PCDH9: variants seen among roughly 807,000 people sequenced by gnomAD.
PCDH9 encodes the protein protocadherin 9, also known as protocadherin-9.
A neutral mutation model predicts 70.6 loss-of-function variants in PCDH9; 24 were observed. The ratio of observed to expected loss-of-function variants is 0.34; its 90% CI spans 0.25 to 0.48. PCDH9 has a LOEUF of 0.48. Ranked by LOEUF, PCDH9 falls within the 20% of genes least tolerant of loss-of-function variation. The pLI is 0.99. For missense variants in PCDH9, 1,281 were observed against 1,503.6 expected (o/e 0.85, Z 2.45); for synonymous variants, 562 against 558.5 (o/e 1.01, Z -0.09).
intron 2 of PCDH9, among the ~76,000 whole-genome samples, chr13:67,191,996 C>A (rs1294785840): frequency 2.8e-5 from 2 of 71,716 alleles, no homozygotes; most frequent in Non-Finnish European, 6.7e-5. Context: ...CACAATGATA[C>A]CTATTTCAGA....
intron 2 of PCDH9, among the ~76,000 whole-genome samples, chr13:67,096,202 G>T (rs1174188552): frequency 6.6e-6 from 1 of 152,152 alleles, no homozygotes; most frequent in Non-Finnish European, 1.5e-5. Context: ...TCGTGTGTAT[G>T]TGTTGGGGGT....
At chr13:67,034,907 GAATGAT>G (rs1052740691) in intron 2 of PCDH9, among the ~76,000 whole-genome samples, 2 of 151,226 alleles carry the variant, frequency 1.3e-5, no homozygotes, top group African/African-American at 4.9e-5. Context: ...GACAAGCCAA[GAATGAT>G]ACATCATGCC....
chr13:66,799,429 C>T (rs1172735445), intron 3 of PCDH9, among the ~76,000 whole-genome samples: 1 of 152,078 alleles, frequency 6.6e-6, no homozygotes, highest in African/African-American at 2.4e-5. Context: ...GAGAGACTGT[C>T]ACCAATAATC....
intron 3 of PCDH9, among the ~76,000 whole-genome samples, chr13:66,875,598 G>A (rs1818683574): frequency 6.6e-6 from 1 of 152,100 alleles, no homozygotes; most frequent in African/African-American, 2.4e-5. Context: ...GAAAAGAACT[G>A]CACTATGTAT....
intron 2 of PCDH9, among the ~76,000 whole-genome samples, chr13:67,142,466 G>C (rs1424815412): frequency 6.6e-6 from 1 of 152,102 alleles, no homozygotes; most frequent in African/African-American, 2.4e-5. Flanking sequence ...GTTCATACCT[G>C]ATGTTTGAAT....
Position 66,410,585 on chromosome 13 carries a change from C to A in PCDH9, c.3341-105557G>T, listed in dbSNP as rs567850076. Among the ~76,000 whole-genome samples, 9 of 152,292 alleles carry A rather than the reference C, an allele frequency of 5.9e-5. No individual in the cohort carries two copies. The East Asian group carries it at 1.5e-3, about 26-fold the overall frequency. On this transcript the variant is annotated intron_variant, in intron 4 of 4. Coordinates refer to ENST00000377865, the MANE Select transcript of PCDH9 (RefSeq NM_203487.3). ...GACCAGACATTTGGAAATGCTCCAG[C>A]CATTGCAGTCTTACCTAAATCTCTT...
intron 3 of PCDH9, among the ~76,000 whole-genome samples, chr13:66,884,746 CA>C (rs1230366960): frequency 6.6e-6 from 1 of 152,034 alleles, no homozygotes; most frequent in Non-Finnish European, 1.5e-5. Flanking sequence ...GAAGATATGC[CA>C]AATGAATCTA....
chr13:66,559,199 A>G (rs1873841986), intron 4 of PCDH9, among the ~76,000 whole-genome samples: 1 of 152,162 alleles, frequency 6.6e-6, no homozygotes, highest in South Asian at 2.1e-4. Context: ...TATCCCATCA[A>G]AACTACTCAT....
chr13:67,172,630 C>A (rs991755999), intron 2 of PCDH9, among the ~76,000 whole-genome samples: 3 of 152,008 alleles, frequency 2.0e-5, no homozygotes, highest in African/African-American at 7.3e-5. Flanking sequence ...GTAATCCTAG[C>A]ACTATGGGAG....
At chr13:66,992,906 A>G (rs1304402797) in intron 2 of PCDH9, among the ~76,000 whole-genome samples, 1 of 151,604 alleles carries the variant, frequency 6.6e-6, no homozygotes, top group Non-Finnish European at 1.5e-5. Flanking sequence ...GACTCCTAAA[A>G]AAAAAAAAAA....
In PCDH9 at chr13:67,216,683, C is replaced by CATATATATATATATATATATATAT. The variant is rs34829318; in HGVS notation, c.3036+8698_3036+8721dup. On this transcript the variant is annotated intron_variant, in intron 2 of 4. Transcript: ENST00000377865. The stretch of plus-strand genomic sequence containing the variant: ...CACACTTTGTGGTTGTCTTAAGCAA[C>CATATATATATATATATATATATAT]ATATATATATATATATATATATATG... The CATATATATATATATATATATATAT allele has an allele frequency of 9.4e-3, 850 of 90,464 alleles. 45 individuals carry two copies. Among genetic ancestry groups the CATATATATATATATATATATATAT allele is most frequent in the East Asian group, 0.025 (42 of 1,670 alleles). The allele number at this position is 90,464 out of a possible 1,614,324, so 5.6% of individuals were successfully genotyped here.
intron 3 of PCDH9, among the ~76,000 whole-genome samples, chr13:66,786,768 T>C (rs1316104739): frequency 6.6e-6 from 1 of 152,156 alleles, no homozygotes; most frequent in Admixed American, 6.5e-5. Flanking sequence ...GCCCTGACAA[T>C]TAAGACAGAC....
intron 3 of PCDH9, among the ~76,000 whole-genome samples, chr13:66,812,281 A>G (rs2080523334): frequency 6.6e-6 from 1 of 152,192 alleles, no homozygotes; most frequent in African/African-American, 2.4e-5. Flanking sequence ...AAAAATCCCT[A>G]ACATTACCAT....
At chr13:67,119,247 G>A (rs2086834510) in intron 2 of PCDH9, among the ~76,000 whole-genome samples, 1 of 151,958 alleles carries the variant, frequency 6.6e-6, no homozygotes, top group South Asian at 2.1e-4. Flanking sequence ...ATTTAATCAG[G>A]TGTGTTTAGA....
At chr13:66,396,961 G>A (rs149837420) in intron 4 of PCDH9, among the ~76,000 whole-genome samples, 23 of 152,190 alleles carry the variant, frequency 1.5e-4, no homozygotes, top group African/African-American at 5.5e-4. Context: ...GAAAAAAAAT[G>A]TAGGTACATA....
Position 66,732,438 on chromosome 13 carries a change from G to A in PCDH9, c.3139-101027C>T, listed in dbSNP as rs2079090898. On this transcript the variant is annotated intron_variant, in intron 3 of 4. Transcript: ENST00000377865. Reference sequence around the variant, plus strand: ...GACCTGACTCAAATAATATTTACATGTGTCTACAAGGGCCTTGCCAAGCTT... The same window carrying A: ...GACCTGACTCAAATAATATTTACATATGTCTACAAGGGCCTTGCCAAGCTT... 3.9e-5 allele frequency among the ~76,000 whole-genome samples: 6 copies of A among 151,992 alleles called. 1 individual carries two copies. The South Asian group carries it at 1.2e-3, about 32-fold the overall frequency.
intron 2 of PCDH9, among the ~76,000 whole-genome samples, chr13:66,923,452 A>T (rs1009928607): frequency 2.6e-5 from 4 of 151,646 alleles, no homozygotes; most frequent in African/African-American, 9.7e-5. Flanking sequence ...TATCTTAAGC[A>T]AGACAATTAA....
intron 3 of PCDH9, among the ~76,000 whole-genome samples, chr13:66,722,040 A>T (rs73200941): frequency 0.13 from 19,744 of 152,094 alleles, 1,398 homozygotes; most frequent in African/African-American, 0.18. Flanking sequence ...TTCCACCATT[A>T]TCTAAATATA....
chr13:67,169,925 C>A (rs1469738644), intron 2 of PCDH9, among the ~76,000 whole-genome samples: 1 of 152,156 alleles, frequency 6.6e-6, no homozygotes, highest in Non-Finnish European at 1.5e-5. Flanking sequence ...GGCAATACAT[C>A]CAGCTCCTCA....
Sources: gnomAD v4.1 joint callset for allele counts (sites outside exome capture counted in the v4.1 genomes callset) on GRCh38, gnomAD v4.1.1 for gene constraint, MANE v1.5 for transcripts, NCBI Gene and HGNC (gene_info 2026-07-23, HGNC 2026-07-21) for gene names.